Variants in PITPNM1 observed in about 807,000 individuals in gnomAD.
PITPNM1 encodes phosphatidylinositol transfer protein membrane associated 1.
PITPNM1 carries 74 observed loss-of-function variants against 133.3 expected under a neutral mutation model. The observed-to-expected ratio is 0.56, with a 90% CI of 0.46 to 0.67. The LOEUF (loss-of-function observed/expected upper bound fraction) is 0.67. PITPNM1 is among the 30% of genes least tolerant of loss of function. The pLI, the probability that PITPNM1 is intolerant of heterozygous loss-of-function variation, is 0.00. For synonymous variants in PITPNM1, 738 were observed against 741.4 expected (o/e 1.00, Z 0.08); for missense variants, 1,398 against 1,739.5 (o/e 0.80, Z 3.49).
At chr11:67,503,339 G>A (rs1377743454) in intron 2 of PITPNM1, among the ~76,000 whole-genome samples, 1 of 152,210 alleles carries the variant, frequency 6.6e-6, no homozygotes, top group Non-Finnish European at 1.5e-5. Context: ...CGGGGTGGCT[G>A]GCAAGGAAGA....
In PITPNM1 at chr11:67,495,151, T is replaced by G. The variant is rs867424186; in HGVS notation, c.2557A>C (p.Thr853Pro). The G allele has an allele frequency of 6.2e-7, 1 of 1,612,088 alleles. No homozygotes were observed. Among genetic ancestry groups the G allele is most frequent in the Middle Eastern group, 1.7e-4 (1 of 6,060 alleles). ...TGGAAGAGGTGGGGCAGCGTGACGG[T>G]GGGAAAGGCGGTGAGCGCCTCGGGG... ...YCPEALTAFP[T>P]VTLPHLFHAS... The change falls in exon 17 of 24, where the codon ACC (threonine) becomes CCC (proline). Residue 853 changes from threonine (T) to proline (P), a missense_variant. By Grantham distance (38) the Thr-to-Pro change is conservative. Transcript: ENST00000356404.
chr11:67,504,008 T>C lies in PITPNM1; in HGVS notation c.78+95A>G, dbSNP rs1866412564. Reference sequence around the variant, plus strand: ...CTGAAGGGGGGCCTCTCTTGCCTCCTCCGGGCTCCCAGCCGGTCCCAGCCC... The same window carrying C: ...CTGAAGGGGGGCCTCTCTTGCCTCCCCCGGGCTCCCAGCCGGTCCCAGCCC... On this transcript the variant is annotated intron_variant, in intron 2 of 23. Transcript: ENST00000356404. The surrounding 1 kb of genome is among the most constrained non-coding windows in gnomAD (Gnocchi z 5.4). The C allele has an allele frequency of 1.1e-6, 1 of 929,460 alleles. No individual in the cohort carries two copies. The highest frequency in any genetic ancestry group is 2.8e-5 in the East Asian group (1 of 35,908). The allele number at this position is 929,460 out of a possible 1,614,324, so 57.6% of individuals were successfully genotyped here. A position where few individuals can be genotyped will look rare whatever the true frequency, so the allele number is the denominator to read the frequency against.
chr11:67,501,478 G>A (rs955530368), intron 5 of PITPNM1, among the ~76,000 whole-genome samples: 2 of 152,186 alleles, frequency 1.3e-5, no homozygotes, highest in Non-Finnish European at 2.9e-5. Flanking sequence ...GAGTGGAGGT[G>A]GGGAATCCCA....
intron 21 of PITPNM1, 27 bp from the exon 22 acceptor site, chr11:67,493,620 C>A: frequency 6.5e-7 from 1 of 1,545,478 alleles, no homozygotes. Flanking sequence ...GCGGTCAGCT[C>A]CGCTGGCCAG....
At position 67,494,318 on chromosome 11, in the gene PITPNM1, C is replaced by G; in HGVS notation, c.2785G>C (p.Glu929Gln). 8 of 1,611,564 alleles carry G rather than the reference C, an allele frequency of 5.0e-6. No homozygotes were observed. The highest frequency in any genetic ancestry group is 6.8e-6 in the Non-Finnish European group (8 of 1,179,366). ...CCGCTTAGCACCTGGGGGCGGCCCT[C>G]GCACACCACCGTGTCGCTCGCCCGG... The part of the protein sequence containing the change: ...NHRASDTVVC[E>Q]GRPQVLSGRF... The change falls in exon 19 of 24, where the codon GAG becomes CAG. Residue 929 changes from glutamate to glutamine, a missense_variant. Glu to Gln is a conservative substitution (Grantham distance 29). Transcript: ENST00000356404.
chr11:67,498,795 G>A lies in PITPNM1; in HGVS notation c.1285C>T (p.Leu429Phe). The stretch of plus-strand genomic sequence containing the variant: ...TTGCCGCTGTGCAGGATAAGGAAGA[G>A]GGCGTGGACTGCGCATGCCTCAGCC... ...LGAEACAVHA[L>F]FLILHSGNIL... Residue 429 changes from leucine to phenylalanine, a missense_variant, in exon 10 of 24, where the codon CTC becomes TTC. Physicochemically the swap from Leu to Phe is conservative, Grantham distance 22. Coordinates refer to ENST00000356404, the MANE Select transcript of PITPNM1 (RefSeq NM_004910.3). The surrounding 1 kb of genome is among the most constrained non-coding windows in gnomAD (Gnocchi z 5.7). The A allele has an allele frequency of 6.2e-7, 1 of 1,612,650 alleles. No individual in the cohort carries two copies. Among genetic ancestry groups the A allele is most frequent in the Non-Finnish European group, 8.5e-7 (1 of 1,179,950 alleles).
At chr11:67,494,171 C>T (rs1249155943) in intron 19 of PITPNM1, 73 bp downstream of exon 19, 1 of 1,580,052 alleles carries the variant, frequency 6.3e-7, no homozygotes, top group African/African-American at 1.3e-5. Context: ...GCACAACCAC[C>T]AGGGACCAGG....
At chr11:67,501,281 G>A (rs1224290219) in intron 5 of PITPNM1, among the ~76,000 whole-genome samples, 4 of 152,270 alleles carry the variant, frequency 2.6e-5, no homozygotes, top group Non-Finnish European at 5.9e-5. Context: ...GTACCATGGG[G>A]TGGGGGTCAG....
At position 67,505,222 on chromosome 11, in the gene PITPNM1, G is replaced by A. The variant is rs1358711000; in HGVS notation, c.-76C>T. 6.6e-6 allele frequency: 1 copy of A among 152,006 alleles called. No individual in the cohort carries two copies. The highest frequency in any genetic ancestry group is 2.4e-5 in the African/African-American group (1 of 41,402). 9.4% of individuals were successfully genotyped at this position (152,006 alleles called of 1,614,324 possible). A position where few individuals can be genotyped will look rare whatever the true frequency, so the allele number is the denominator to read the frequency against. ...GAGGCGGGCGCCCCTCACCCAGCCC[G>A]GGCAGGGCCGGCCGGCCCGTGGGTC... On this transcript the variant is annotated 5_prime_UTR_variant, in exon 1 of 24. Transcript: ENST00000356404. The surrounding 1 kb of genome is among the most constrained non-coding windows in gnomAD (Gnocchi z 5.8).
rs372314667 is a variant in PITPNM1 at position 67,493,875 on chromosome 11, G to A, written c.3009-38C>T. The A allele has an allele frequency of 6.8e-4, 1,030 of 1,523,876 alleles. 9 individuals carry two copies. In the African/African-American group the frequency reaches 0.013, roughly 19 times the overall value. 94.4% of individuals were successfully genotyped at this position (1,523,876 alleles called of 1,614,324 possible). A position where few individuals can be genotyped will look rare whatever the true frequency, so the allele number is the denominator to read the frequency against. The stretch of plus-strand genomic sequence containing the variant: ...GGGCGGGGCGTGAGTGGCGCGGGGC[G>A]AGGCCTGGCGGAGCCCTCCCGCAGA... On this transcript the variant is annotated intron_variant, in intron 20 of 23. Coordinates refer to ENST00000356404, the MANE Select transcript of PITPNM1 (RefSeq NM_004910.3).
chr11:67,497,178 G>C (rs1591058054), intron 14 of PITPNM1, 53 bp downstream of exon 14: 4 of 1,439,682 alleles, frequency 2.8e-6, no homozygotes, highest in Non-Finnish European at 3.8e-6. Context: ...AGGAGGTGGG[G>C]AAGGAAGGGG....
chr11:67,496,645 C>T, intron 14 of PITPNM1: 1 of 384,644 alleles, frequency 2.6e-6, no homozygotes. Flanking sequence ...ATTAAAAATA[C>T]AAAAATTAGC....
chr11:67,494,321 A>C lies in PITPNM1; in HGVS notation c.2782T>G (p.Cys928Gly). 1.2e-6 allele frequency: 2 copies of C among 1,611,602 alleles called. No individual in the cohort carries two copies. Among genetic ancestry groups the C allele is most frequent in the Non-Finnish European group, 1.7e-6 (2 of 1,179,410 alleles). ...CTTAGCACCTGGGGGCGGCCCTCGC[A>C]CACCACCGTGTCGCTCGCCCGGTGG... ...SNHRASDTVV[C>G]EGRPQVLSGR... Residue 928 changes from cysteine (C) to glycine (G), a missense_variant, in exon 19 of 24, where the codon TGC becomes GGC. This residue lies in a region of PITPNM1 where 233 missense variants were observed against 378.0 expected (regional missense o/e 0.62). Coordinates refer to ENST00000356404, the MANE Select transcript of PITPNM1 (RefSeq NM_004910.3).
upstream of PITPNM1, among the ~76,000 whole-genome samples, chr11:67,505,883 C>T (rs1002748839): frequency 7.9e-5 from 12 of 152,202 alleles, no homozygotes; most frequent in Non-Finnish European, 1.6e-4. The surrounding 1 kb of genome is among the most constrained non-coding windows in gnomAD (Gnocchi z 5.8). Context: ...CATGGTGCCA[C>T]AAAGCCTCCC....
At chr11:67,496,122 C>T (rs1018680940) in intron 15 of PITPNM1, 56 bp downstream of exon 15, 185 of 1,420,368 alleles carry the variant, frequency 1.3e-4, no homozygotes, top group Non-Finnish European at 1.4e-4. Flanking sequence ...CTGCTACCTC[C>T]TCCCTTCCTG....
rs1184923992 is a variant in PITPNM1, at chr11:67,498,906, G to A, written c.1233+34C>T. ...GCAGTGGCCGGGCCAGTGAGTAGGGGGAGCTTTGACATGGGGTGGCTGACC... is the reference window on the plus strand; with the variant it reads ...GCAGTGGCCGGGCCAGTGAGTAGGGAGAGCTTTGACATGGGGTGGCTGACC... On this transcript the variant is annotated intron_variant, in intron 9 of 23. Coordinates refer to ENST00000356404, the MANE Select transcript of PITPNM1 (RefSeq NM_004910.3). This position sits in a 1 kb window ranked among gnomAD's most constrained non-coding sequence, Gnocchi z 5.7. 4 of 1,611,708 alleles carry A rather than the reference G, an allele frequency of 2.5e-6. No individual in the cohort carries two copies. The highest frequency in any genetic ancestry group is 2.2e-5 in the East Asian group (1 of 44,862).
intron 14 of PITPNM1, chr11:67,496,807 A>T: frequency 5.4e-6 from 1 of 186,356 alleles, no homozygotes; most frequent in Non-Finnish European, 1.1e-5. Flanking sequence ...GCATGGTGGC[A>T]GGTGCCTGTA....
Position 67,502,623 on chromosome 11 carries a change from G to A in PITPNM1, c.174C>T (p.Tyr58=). 1 of 1,613,574 alleles carries A rather than the reference G, an allele frequency of 6.2e-7. No individual in the cohort carries two copies. The highest frequency in any genetic ancestry group is 1.7e-5 in the Admixed American group (1 of 60,036). ...YTDGPGGSGQ[Y]THKVYHVGSH... The stretch of plus-strand genomic sequence containing the variant: ...AGCCCACGTGGTACACCTTGTGTGT[G>A]TATTGCCCGCTGCCCCCGGGCCCAT... The change falls in exon 3 of 24, where the codon TAC becomes TAT. Residue 58 remains tyrosine, a synonymous_variant. Coordinates refer to ENST00000356404, the MANE Select transcript of PITPNM1 (RefSeq NM_004910.3). This position sits in a 1 kb window ranked among gnomAD's most constrained non-coding sequence, Gnocchi z 5.9.
intron 18 of PITPNM1, 34 bp downstream of exon 18, chr11:67,494,812 G>GAT: frequency 7.7e-7 from 1 of 1,292,166 alleles, no homozygotes; most frequent in Non-Finnish European, 1.1e-6. Flanking sequence ...GAGAGTGGGC[G>GAT]AGTGGGCGAG....
Sources: gnomAD v4.1 joint callset for allele counts (sites outside exome capture counted in the v4.1 genomes callset) on GRCh38, gnomAD v4.1.1 for gene constraint, gnomAD v4.1.1 regional missense constraint, Gnocchi (gnomAD v3.1) non-coding constraint, MANE v1.5 for transcripts, NCBI Gene and HGNC (gene_info 2026-07-23, HGNC 2026-07-21) for gene names.